Variants in MLPH observed in about 807,000 individuals in gnomAD.
MLPH encodes the protein exophilin-3.
A neutral mutation model predicts 72.1 loss-of-function variants in MLPH; 51 were observed. The observed-to-expected ratio is 0.71, with a 90% CI of 0.56 to 0.89. The LOEUF is 0.89. Among genes scored for constraint, MLPH ranks in the 40% least tolerant of loss-of-function variants. The pLI is 0.00. For synonymous variants in MLPH, 301 were observed against 310.1 expected (o/e 0.97, Z 0.31); for missense variants, 743 against 759.9 (o/e 0.98, Z 0.26).
Position 237,546,623 on chromosome 2 carries a change from G to T in MLPH, c.1557G>T (p.Val519=). The T allele has an allele frequency of 6.2e-7, 1 of 1,614,160 alleles. No individual in the cohort carries two copies. Among genetic ancestry groups the T allele is most frequent in the South Asian group, 1.1e-5 (1 of 91,078 alleles). The part of the protein sequence containing the change: ...KSNLPIFLPR[V]AGKLGKRPED... Reference sequence around the variant, plus strand: ...CCCTCCAGATATTTCTCCCTCGAGTGGCTGGGAAACTTGGCAAGAGACCAG... The same window carrying T: ...CCCTCCAGATATTTCTCCCTCGAGTTGCTGGGAAACTTGGCAAGAGACCAG... The change falls in exon 13 of 16, where the codon GTG becomes GTT. Residue 519 remains valine (V), a synonymous_variant. Transcript: ENST00000264605.
At chr2:237,511,169 T>C (rs1441509989) in intron 4 of MLPH, 68 bp downstream of exon 4, 7 of 1,274,656 alleles carry the variant, frequency 5.5e-6, no homozygotes, top group Non-Finnish European at 5.7e-6. Flanking sequence ...GCAGGTTCCT[T>C]TGGAGTGTGC....
intron 2 of MLPH, among the ~76,000 whole-genome samples, chr2:237,500,045 C>T (rs1048164373): frequency 1.3e-5 from 2 of 152,128 alleles, no homozygotes; most frequent in African/African-American, 4.8e-5. Context: ...TACACTTAGC[C>T]AGATTTTACT....
At chr2:237,495,432 C>A (rs1325051831) in intron 2 of MLPH, among the ~76,000 whole-genome samples, 1 of 152,170 alleles carries the variant, frequency 6.6e-6, no homozygotes, top group Admixed American at 6.5e-5. Context: ...GGAGACCGCA[C>A]TGGAAGGGAA....
At position 237,548,639 on chromosome 2, in the gene MLPH, T is replaced by C. The variant is rs913482822; in HGVS notation, c.1618-582T>C. On this transcript the variant is annotated intron_variant, in intron 13 of 15. Transcript: ENST00000264605. ...ATCCCAGCACTTTGGGAGGCCGAGGTGGGCGGATCACAAGATCAGGAGATC... is the reference window on the plus strand; with the variant it reads ...ATCCCAGCACTTTGGGAGGCCGAGGCGGGCGGATCACAAGATCAGGAGATC... Among the ~76,000 whole-genome samples, 3 of 151,980 alleles carry C rather than the reference T, an allele frequency of 2.0e-5. No homozygotes were observed. In the East Asian group the frequency reaches 5.8e-4, roughly 29 times the overall value.
At chr2:237,546,994 G>A (rs980420422) in intron 13 of MLPH, among the ~76,000 whole-genome samples, 1 of 152,230 alleles carries the variant, frequency 6.6e-6, no homozygotes, top group Non-Finnish European at 1.5e-5. Context: ...CACACAGGCT[G>A]ACTGTGGCTC....
intron 2 of MLPH, among the ~76,000 whole-genome samples, chr2:237,502,136 G>A (rs998894568): frequency 1.3e-5 from 2 of 152,208 alleles, no homozygotes; most frequent in African/African-American, 4.8e-5. Context: ...GAGTTCCATA[G>A]AAGTGGTCCT....
intron 2 of MLPH, among the ~76,000 whole-genome samples, chr2:237,503,456 C>A (rs1298213898): frequency 2.0e-5 from 3 of 152,128 alleles, no homozygotes; most frequent in African/African-American, 7.2e-5. Context: ...TGGTAATTCC[C>A]GACACGCGTT....
At position 237,554,000 on chromosome 2, in the gene MLPH, A is replaced by C; in HGVS notation, c.*408A>C. The C allele has an allele frequency of 2.7e-6, 1 of 363,752 alleles. No individual in the cohort carries two copies. Among genetic ancestry groups the C allele is most frequent in the South Asian group, 2.2e-5 (1 of 45,104 alleles). The allele number at this position is 363,752 out of a possible 1,614,324, so 22.5% of individuals were successfully genotyped here. A position where few individuals can be genotyped will look rare whatever the true frequency, so the allele number is the denominator to read the frequency against. ...ATGACTCAGTTAAGGCACCAGCCATATGTGTATTCTTGATGGTCTATATCG... is the reference window on the plus strand; with the variant it reads ...ATGACTCAGTTAAGGCACCAGCCATCTGTGTATTCTTGATGGTCTATATCG... On this transcript the variant is annotated 3_prime_UTR_variant, in exon 16 of 16. Coordinates refer to ENST00000264605, the MANE Select transcript of MLPH (RefSeq NM_024101.7).
intron 8 of MLPH, among the ~76,000 whole-genome samples, chr2:237,528,566 G>A (rs2106346490): frequency 6.6e-6 from 1 of 152,192 alleles, no homozygotes; most frequent in East Asian, 1.9e-4. Flanking sequence ...GGCCAGGCTA[G>A]CCTCAAACTC....
intron 5 of MLPH, 131 bp downstream of exon 5, chr2:237,518,779 A>G: frequency 1.4e-6 from 1 of 737,966 alleles, no homozygotes; most frequent in South Asian, 1.5e-5. Flanking sequence ...CATGAGCACC[A>G]AGAATCTGCT....
intron 2 of MLPH, among the ~76,000 whole-genome samples, chr2:237,499,018 G>A (rs1009679554): frequency 4.6e-5 from 7 of 152,024 alleles, no homozygotes; most frequent in Non-Finnish European, 8.8e-5. Flanking sequence ...TGGTTAGTTT[G>A]AAGCCTCCTC....
chr2:237,533,216 C>T (rs958347897), intron 8 of MLPH, among the ~76,000 whole-genome samples: 10 of 152,086 alleles, frequency 6.6e-5, no homozygotes, highest in African/African-American at 2.4e-4. Flanking sequence ...GGAGTGGGAG[C>T]TAGAGTTATC....
intron 2 of MLPH, among the ~76,000 whole-genome samples, chr2:237,501,663 C>CCAAAAA (rs1559337749): frequency 1.7e-4 from 17 of 101,632 alleles, no homozygotes; most frequent in African/African-American, 5.6e-4. Context: ...CACGTCTCTA[C>CCAAAAA]TAAAAAAAAA....
In MLPH at chr2:237,511,068, A is replaced by G; in HGVS notation, c.412A>G (p.Ile138Val). 1 of 1,613,984 alleles carries G rather than the reference A, an allele frequency of 6.2e-7. No individual in the cohort carries two copies. Among genetic ancestry groups the G allele is most frequent in the South Asian group, 1.1e-5 (1 of 91,084 alleles). ...CAAGAGGTTCGGAAGTGCCAAGGTC[A>G]TCCGGTCCCTCCACGGGCGGCTGCA... ...RFKRFGSAKV[I>V]RSLHGRLQGG... The change falls in exon 4 of 16, where the codon ATC becomes GTC. Residue 138 changes from isoleucine to valine, a missense_variant. Coordinates refer to ENST00000264605, the MANE Select transcript of MLPH (RefSeq NM_024101.7).
At chr2:237,539,160 G>A (rs1487524622) in intron 9 of MLPH, among the ~76,000 whole-genome samples, 1 of 152,180 alleles carries the variant, frequency 6.6e-6, no homozygotes, top group Non-Finnish European at 1.5e-5. Flanking sequence ...GGGGAGGCTT[G>A]AGCAGAAGAC....
intron 8 of MLPH, among the ~76,000 whole-genome samples, chr2:237,529,996 C>T (rs1252051849): frequency 6.6e-6 from 1 of 152,220 alleles, no homozygotes; most frequent in Admixed American, 6.5e-5. Context: ...GCAGGTGGTG[C>T]ACAGCTGGGG....
chr2:237,514,634 T>C (rs1166354171), intron 4 of MLPH, among the ~76,000 whole-genome samples: 2 of 152,226 alleles, frequency 1.3e-5, no homozygotes, highest in Admixed American at 6.5e-5. Context: ...GGCCCTCATT[T>C]GGGGCATTGT....
intron 2 of MLPH, among the ~76,000 whole-genome samples, chr2:237,508,055 C>A (rs2079813149): frequency 6.6e-6 from 1 of 152,156 alleles, no homozygotes; most frequent in South Asian, 2.1e-4. Context: ...CAAAAAGACT[C>A]ATAACTTTTA....
rs1559340211 is a variant in MLPH at position 237,505,176 on chromosome 2, T to C, written c.111-5398T>C. Among the ~76,000 whole-genome samples the C allele has an allele frequency of 6.6e-6, 1 of 152,200 alleles. No individual in the cohort carries two copies. Among genetic ancestry groups the C allele is most frequent in the Non-Finnish European group, 1.5e-5 (1 of 68,034 alleles). ...CCACACACTGTCCCCACCTCCTTGC[T>C]GGTCCTGATGCAGAGTGGAGGGCAG... On this transcript the variant is annotated intron_variant, in intron 2 of 15. Coordinates refer to ENST00000264605, the MANE Select transcript of MLPH (RefSeq NM_024101.7). The surrounding 1 kb of genome is among the most constrained non-coding windows in gnomAD (Gnocchi z 4.5).
Sources: allele counts gnomAD v4.1 joint callset (sites outside exome capture counted in the v4.1 genomes callset), GRCh38; gene constraint gnomAD v4.1.1; non-coding constraint Gnocchi (gnomAD v3.1); transcripts MANE v1.5; gene names NCBI Gene and HGNC (gene_info 2026-07-23, HGNC 2026-07-21).